GATAD1: variants seen among roughly 807,000 people sequenced by gnomAD.
GATAD1 encodes the protein GATA zinc finger domain containing 1, also known as GATA zinc finger domain-containing protein 1.
In GATAD1, 12 loss-of-function variants were observed where a neutral mutation model predicts 26.5. The ratio of observed to expected loss-of-function variants is 0.45; its 90% CI spans 0.29 to 0.73. The LOEUF (loss-of-function observed/expected upper bound fraction) is 0.73, where lower values mean the gene tolerates loss of function less well. GATAD1 is among the 30% of genes least tolerant of loss of function. GATAD1 has a pLI of 0.10. For synonymous variants in GATAD1, 129 were observed against 133.1 expected (o/e 0.97, Z 0.21); for missense variants, 266 against 342.1 (o/e 0.78, Z 1.75).
At chr7:92,449,484 CAA>C in intron 2 of GATAD1, 3 of 974,094 alleles carry the variant, frequency 3.1e-6, no homozygotes, top group Non-Finnish European at 3.7e-6. Flanking sequence ...TTTTTATAAA[CAA>C]GGGATAATGT....
chr7:92,468,697 C>T, the GATAD1 span: 1 of 658,922 alleles, frequency 1.5e-6, no homozygotes, highest in Non-Finnish European at 2.7e-6. Flanking sequence ...CCAGCTAGTC[C>T]TGTCTCTCAG....
At chr7:92,462,587 T>C (rs1789960852), downstream of GATAD1, among the ~76,000 whole-genome samples, 1 of 152,184 alleles carries the variant, frequency 6.6e-6, no homozygotes, top group Non-Finnish European at 1.5e-5. Flanking sequence ...AAGATGGTAA[T>C]CTAAATGGTG....
chr7:92,466,801 T>C, the GATAD1 span, among the ~76,000 whole-genome samples: 1 of 152,198 alleles, frequency 6.6e-6, no homozygotes, highest in Non-Finnish European at 1.5e-5. Flanking sequence ...ACTTGTGTTA[T>C]CTAAGATATC....
At chr7:92,493,838 A>G in the GATAD1 span, 19 of 192,608 alleles carry the variant, frequency 9.9e-5, no homozygotes, top group Non-Finnish European at 1.6e-4. Flanking sequence ...CTGTTCTTTC[A>G]TTCATTTATT....
At chr7:92,494,060 TCCCCAATCAG>T in the GATAD1 span, 1 of 488,214 alleles carries the variant, frequency 2.0e-6, no homozygotes, top group Non-Finnish European at 3.7e-6. Flanking sequence ...CATTTTTTTT[TCCCCAATCAG>T]CCAACACAGA....
intron 2 of GATAD1, 26 bp downstream of exon 2, chr7:92,448,903 T>C (rs780086190): frequency 7.5e-6 from 12 of 1,600,086 alleles, no homozygotes; most frequent in Non-Finnish European, 8.6e-6. Context: ...ACAGTGCCTT[T>C]TACTGTAATG....
chr7:92,489,581 A>T, the GATAD1 span: 1 of 1,015,634 alleles, frequency 9.8e-7, no homozygotes. Context: ...GCACATAACC[A>T]TGACTGAGTT....
chr7:92,458,601 C>T lies in GATAD1; in HGVS notation c.*2039C>T, dbSNP rs183702741. 1 of 152,236 alleles carries T rather than the reference C, an allele frequency of 6.6e-6. No homozygotes were observed. The highest frequency in any genetic ancestry group is 2.4e-5 in the African/African-American group (1 of 41,546). The allele number at this position is 152,236 out of a possible 1,614,324, so 9.4% of individuals were successfully genotyped here. A position where few individuals can be genotyped will look rare whatever the true frequency, so the allele number is the denominator to read the frequency against. On this transcript the variant is annotated 3_prime_UTR_variant, in exon 5 of 5. Coordinates refer to ENST00000287957, the MANE Select transcript of GATAD1 (RefSeq NM_021167.5). Reference sequence around the variant, plus strand: ...CCTGATTTAACCAGCATTTTTCAACCCTGGGAAAATTTGCAGAATCTAAGT... The same window carrying T: ...CCTGATTTAACCAGCATTTTTCAACTCTGGGAAAATTTGCAGAATCTAAGT...
At chr7:92,484,030 T>C in the GATAD1 span, among the ~76,000 whole-genome samples, 2 of 152,266 alleles carry the variant, frequency 1.3e-5, no homozygotes, top group East Asian at 3.9e-4. Flanking sequence ...GAGGGACCAA[T>C]GTGTAAAAGA....
intron 1 of GATAD1, among the ~76,000 whole-genome samples, chr7:92,448,466 A>G (rs1161948341): frequency 6.6e-6 from 1 of 152,198 alleles, no homozygotes; most frequent in Admixed American, 6.5e-5. Context: ...GTCTTGGTCA[A>G]GACTGACTCC....
At chr7:92,491,382 A>G in the GATAD1 span, 1 of 1,613,856 alleles carries the variant, frequency 6.2e-7, no homozygotes, top group South Asian at 1.1e-5. Context: ...ATCTCTAAAG[A>G]AACAAGGGAC....
rs111773098 is a variant in GATAD1, at chr7:92,459,480, AT to A, written c.*2919del. Reference sequence around the variant, plus strand: ...TTCTCCTGCTGAGGCCGGACCTGATATGGCCCTGGTCTGTGTTCCCAGCCTT... The same window carrying A: ...TTCTCCTGCTGAGGCCGGACCTGATAGGCCCTGGTCTGTGTTCCCAGCCTT... On this transcript the variant is annotated 3_prime_UTR_variant, in exon 5 of 5. Transcript: ENST00000287957. 6,353 of 152,230 alleles carry A rather than the reference AT, an allele frequency of 0.042. 163 individuals are homozygous for A. The highest frequency in any genetic ancestry group is 0.057 in the African/African-American group (2,379 of 41,528). 9.4% of individuals were successfully genotyped at this position (152,230 alleles called of 1,614,324 possible).
At chr7:92,469,367 C>A in the GATAD1 span, 1 of 767,354 alleles carries the variant, frequency 1.3e-6, no homozygotes, top group Non-Finnish European at 2.4e-6. Context: ...GTTGTGATAC[C>A]GCCAATGCCA....
chr7:92,489,650 A>G, the GATAD1 span: 5 of 1,434,378 alleles, frequency 3.5e-6, no homozygotes, highest in African/African-American at 7.0e-5. Flanking sequence ...AGAAATATAT[A>G]TCAAAAGGGT....
chr7:92,454,431 A>T (rs112028916), intron 3 of GATAD1, 71 bp from the exon 4 acceptor site: 2 of 1,166,694 alleles, frequency 1.7e-6, no homozygotes, highest in African/African-American at 3.0e-5. Flanking sequence ...TTGCTTACCT[A>T]TTAAGGTTCA....
the GATAD1 span, chr7:92,491,545 T>A: frequency 0.041 from 47,724 of 1,169,002 alleles, 2,986 homozygotes; most frequent in East Asian, 0.28. Context: ...ATGTAAACAA[T>A]TTTAGTCTCA....
At chr7:92,479,238 G>A in the GATAD1 span, among the ~76,000 whole-genome samples, 592 of 152,292 alleles carry the variant, frequency 3.9e-3, 1 homozygote, top group Non-Finnish European at 5.9e-3. Flanking sequence ...CAGGCTTTGT[G>A]TGAGCAACAA....
At chr7:92,464,276 G>A (rs1790026071), downstream of GATAD1, among the ~76,000 whole-genome samples, 1 of 152,212 alleles carries the variant, frequency 6.6e-6, no homozygotes, top group Non-Finnish European at 1.5e-5. Context: ...AGGACTGTGA[G>A]CCATCTCCTG....
the GATAD1 span, chr7:92,477,953 A>G: frequency 1.3e-5 from 2 of 152,544 alleles, no homozygotes; most frequent in African/African-American, 4.8e-5. Context: ...TGCTGTTGCC[A>G]GCTCGAATGC....
Sources: gnomAD v4.1 joint callset for allele counts (sites outside exome capture counted in the v4.1 genomes callset) on GRCh38, gnomAD v4.1.1 for gene constraint, MANE v1.5 for transcripts, NCBI Gene and HGNC (gene_info 2026-07-23, HGNC 2026-07-21) for gene names.